Variants in SLC2A13 observed in about 807,000 individuals in gnomAD.
SLC2A13 encodes the protein proton myo-inositol cotransporter.
A neutral mutation model predicts 64.4 loss-of-function variants in SLC2A13; 32 were observed. The ratio of observed to expected loss-of-function variants is 0.50; its 90% confidence interval spans 0.37 to 0.67. The LOEUF is 0.67. SLC2A13 is among the 30% of genes least tolerant of loss of function. The probability of loss-of-function intolerance (pLI) is 0.00; values close to 1 mark genes in which losing one functional copy is unlikely to be tolerated. For synonymous variants in SLC2A13, 338 were observed against 327.1 expected (o/e 1.03, Z -0.36); for missense variants, 743 against 829.2 (o/e 0.90, Z 1.28).
At chr12:39,792,613 G>GT (rs1012940287) in intron 7 of SLC2A13, among the ~76,000 whole-genome samples, 3 of 152,150 alleles carry the variant, frequency 2.0e-5, no homozygotes, top group Non-Finnish European at 4.4e-5. Flanking sequence ...CAGGGAACTA[G>GT]TTCCAGGATC....
intron 4 of SLC2A13, among the ~76,000 whole-genome samples, chr12:39,903,087 G>A (rs1945178198): frequency 6.6e-6 from 1 of 152,132 alleles, no homozygotes; most frequent in Non-Finnish European, 1.5e-5. Flanking sequence ...TCGTAATAAT[G>A]AGTCCAATTA....
At chr12:39,888,022 A>C (rs1438184494) in intron 4 of SLC2A13, among the ~76,000 whole-genome samples, 1 of 152,058 alleles carries the variant, frequency 6.6e-6, no homozygotes, top group Non-Finnish European at 1.5e-5. Flanking sequence ...AATGCTTGGA[A>C]ACTCTATTAG....
intron 7 of SLC2A13, among the ~76,000 whole-genome samples, chr12:39,784,767 CT>C (rs772764729): frequency 1.3e-5 from 2 of 152,276 alleles, no homozygotes; most frequent in South Asian, 2.1e-4. Context: ...GCAAAAGAAA[CT>C]ACCATCAGAG....
chr12:40,099,291 C>G lies in SLC2A13; in HGVS notation c.556+5962G>C, dbSNP rs1244255707. On this transcript the variant is annotated intron_variant, in intron 1 of 9. Transcript: ENST00000280871. ...AGAAGTGTTGCTACTATTTATTACT[C>G]TGATGGGTCACAGGAAAAAGAAAGG... Among the ~76,000 whole-genome samples the G allele has an allele frequency of 2.0e-5, 3 of 152,018 alleles. No individual in the cohort carries two copies. In the East Asian group the frequency reaches 5.8e-4, roughly 29 times the overall value.
intron 7 of SLC2A13, among the ~76,000 whole-genome samples, chr12:39,777,826 A>G (rs1940830276): frequency 6.6e-6 from 1 of 152,174 alleles, no homozygotes; most frequent in Admixed American, 6.5e-5. Context: ...AAACCTGCTC[A>G]ATAAAACCTT....
intron 1 of SLC2A13, among the ~76,000 whole-genome samples, chr12:40,087,610 G>C (rs1249742456): frequency 1.3e-5 from 2 of 151,998 alleles, no homozygotes; most frequent in African/African-American, 2.4e-5. Flanking sequence ...TATCTACTAT[G>C]TGCCAGAGGC....
chr12:39,877,786 AT>A (rs565684620), intron 4 of SLC2A13, among the ~76,000 whole-genome samples: 1 of 152,286 alleles, frequency 6.6e-6, no homozygotes, highest in South Asian at 2.1e-4. Flanking sequence ...AGTAGTTTGA[AT>A]TTCTTCTCAA....
At chr12:40,003,372 C>T (rs938583041) in intron 3 of SLC2A13, among the ~76,000 whole-genome samples, 2 of 152,054 alleles carry the variant, frequency 1.3e-5, no homozygotes, top group Non-Finnish European at 2.9e-5. Flanking sequence ...CGATTATCTC[C>T]AAGGACCAAG....
intron 7 of SLC2A13, among the ~76,000 whole-genome samples, chr12:39,820,693 A>G (rs1313651005): frequency 2.6e-5 from 2 of 77,992 alleles, no homozygotes; most frequent in Non-Finnish European, 5.2e-5. Context: ...CAGCATGTAT[A>G]ATCTTCGGCT....
chr12:39,761,738 G>C (rs1940156763), intron 9 of SLC2A13, among the ~76,000 whole-genome samples: 1 of 151,996 alleles, frequency 6.6e-6, no homozygotes, highest in South Asian at 2.1e-4. Context: ...ACAAAGACGG[G>C]ATAGTAATTA....
intron 9 of SLC2A13, among the ~76,000 whole-genome samples, chr12:39,760,462 A>AACTC (rs920654732): frequency 2.0e-5 from 3 of 151,994 alleles, no homozygotes; most frequent in Admixed American, 1.3e-4. Flanking sequence ...CAAGTTTAGA[A>AACTC]ACTCAAGAAT....
intron 7 of SLC2A13, among the ~76,000 whole-genome samples, chr12:39,780,282 T>C (rs1488325858): frequency 6.6e-6 from 1 of 152,206 alleles, no homozygotes; most frequent in Non-Finnish European, 1.5e-5. Flanking sequence ...TCTCTGTCTC[T>C]TTCTCCTTCA....
At chr12:39,819,638 A>G (rs1045878379) in intron 7 of SLC2A13, 1 of 152,204 alleles carries the variant, frequency 6.6e-6, no homozygotes, top group Admixed American at 6.5e-5. Flanking sequence ...TAAAAGGAAC[A>G]TTCATTTCTT....
At chr12:40,028,228 C>A in intron 3 of SLC2A13, 73 bp downstream of exon 3, 9 of 992,770 alleles carry the variant, frequency 9.1e-6, no homozygotes, top group Non-Finnish European at 1.3e-5. Context: ...ATTATACACA[C>A]ACGCACACAA....
At chr12:39,814,589 G>C (rs1385509758) in intron 7 of SLC2A13, among the ~76,000 whole-genome samples, 3 of 152,060 alleles carry the variant, frequency 2.0e-5, no homozygotes, top group Non-Finnish European at 4.4e-5. Flanking sequence ...CTCTTTTATG[G>C]TAAAATACAT....
At chr12:39,986,157 C>G (rs1947027436) in intron 3 of SLC2A13, among the ~76,000 whole-genome samples, 1 of 151,988 alleles carries the variant, frequency 6.6e-6, no homozygotes, top group Non-Finnish European at 1.5e-5. Flanking sequence ...GCCCCATATC[C>G]TAATATAAAT....
At chr12:39,985,398 A>G (rs1947012853) in intron 3 of SLC2A13, among the ~76,000 whole-genome samples, 2 of 152,322 alleles carry the variant, frequency 1.3e-5, no homozygotes, top group South Asian at 4.1e-4. Flanking sequence ...GTGAAATAAA[A>G]TTATTCATAG....
intron 1 of SLC2A13, among the ~76,000 whole-genome samples, chr12:40,087,476 T>G (rs530889730): frequency 1.9e-4 from 29 of 152,328 alleles, no homozygotes; most frequent in African/African-American, 6.7e-4. Flanking sequence ...CCCCTGTGGC[T>G]TTCAAATAAC....
At chr12:39,829,424 T>TTTTTTA (rs1942793404) in intron 7 of SLC2A13, 1 of 127,956 alleles carries the variant, frequency 7.8e-6, no homozygotes, top group Admixed American at 9.0e-5. Context: ...TTCTTTTTTT[T>TTTTTTA]GAGGCAGAGT....
Sources: allele counts gnomAD v4.1 joint callset (sites outside exome capture counted in the v4.1 genomes callset), GRCh38; gene constraint gnomAD v4.1.1; transcripts MANE v1.5; gene names NCBI Gene and HGNC (gene_info 2026-07-23, HGNC 2026-07-21).